Variants in HTR4 observed in about 807,000 individuals in gnomAD.
The protein encoded by HTR4 is 5-hydroxytryptamine receptor 4, also known as 5-hydroxytryptamine (serotonin) receptor 4, G protein-coupled.
HTR4 carries 16 observed loss-of-function variants against 36.8 expected under a neutral mutation model. That is an observed-to-expected ratio of 0.43 (90% CI 0.29 to 0.66). HTR4 has a LOEUF of 0.66. Among genes scored for constraint, HTR4 ranks in the 30% least tolerant of loss-of-function variants. HTR4 has a pLI of 0.13. For synonymous variants in HTR4, 189 were observed against 185.1 expected, an observed-to-expected ratio of 1.02 and a Z score of -0.17; for missense variants, 438 against 490.9, an observed-to-expected ratio of 0.89 and a Z score of 1.02.
chr5:148,573,081 C>T (rs1271114175), intron 2 of HTR4, among the ~76,000 whole-genome samples: 1 of 152,072 alleles, frequency 6.6e-6, no homozygotes, highest in African/African-American at 2.4e-5. Context: ...GCAGCTAATT[C>T]CAATCTCTGA....
downstream of HTR4, among the ~76,000 whole-genome samples, chr5:148,480,158 T>A (rs1219966548): frequency 6.6e-6 from 1 of 152,224 alleles, no homozygotes; most frequent in African/African-American, 2.4e-5. Flanking sequence ...AACAAACATT[T>A]GAATCTTATT....
chr5:148,499,531 T>G (rs911440308), intron 6 of HTR4, among the ~76,000 whole-genome samples: 1 of 152,202 alleles, frequency 6.6e-6, no homozygotes, highest in Non-Finnish European at 1.5e-5. Context: ...TGGTTTCTTT[T>G]TAAATCCTTA....
intron 2 of HTR4, among the ~76,000 whole-genome samples, chr5:148,581,773 T>C (rs1323686327): frequency 6.6e-6 from 1 of 152,130 alleles, no homozygotes; most frequent in Non-Finnish European, 1.5e-5. Context: ...GAAATTTTGG[T>C]AGCTCCAGCT....
At chr5:148,610,575 G>A (rs2127279685) in intron 2 of HTR4, among the ~76,000 whole-genome samples, 1 of 152,036 alleles carries the variant, frequency 6.6e-6, no homozygotes, top group African/African-American at 2.4e-5. Flanking sequence ...CAAAGATGGG[G>A]AAAAAACAGA....
At chr5:148,549,561 C>G (rs1424865355) in intron 3 of HTR4, among the ~76,000 whole-genome samples, 1 of 152,096 alleles carries the variant, frequency 6.6e-6, no homozygotes, top group Non-Finnish European at 1.5e-5. Flanking sequence ...GTTCAGGCAC[C>G]CTGGGGAGTT....
Position 148,542,489 on chromosome 5 carries a change from G to A in HTR4, c.353+6179C>T, listed in dbSNP as rs75053851. Among the ~76,000 whole-genome samples, 27 of 152,224 alleles carry A rather than the reference G, an allele frequency of 1.8e-4. No individual in the cohort carries two copies. In the East Asian group the frequency reaches 5.0e-3, roughly 28 times the overall value. ...AAGTAAACCTGTTTAAAAGAGGATC[G>A]GAGACTAAGAAACTGTTGGAGAATT... On this transcript the variant is annotated intron_variant, in intron 4 of 6. Transcript: ENST00000377888.
At chr5:148,651,677 G>A (rs1386888713) in intron 1 of HTR4, among the ~76,000 whole-genome samples, 2 of 151,804 alleles carry the variant, frequency 1.3e-5, no homozygotes, top group Non-Finnish European at 2.9e-5. Context: ...ACTGCATGCT[G>A]TGAAGTTACC....
intron 4 of HTR4, among the ~76,000 whole-genome samples, chr5:148,546,012 G>A (rs539380338): frequency 6.6e-6 from 1 of 152,200 alleles, no homozygotes; most frequent in Non-Finnish European, 1.5e-5. Context: ...ATGAATGATA[G>A]AGAGAAATAG....
intron 5 of HTR4, among the ~76,000 whole-genome samples, chr5:148,457,874 ATTAAAATATTAAAATATATTATAT>A: frequency 7.2e-6 from 1 of 138,602 alleles, no homozygotes; most frequent in African/African-American, 2.7e-5. Context: ...TTGATATATC[ATTAAAATATTAAAATATATTATAT>A]TTTAATATAT....
At chr5:148,556,469 T>C (rs1759956426) in intron 2 of HTR4, among the ~76,000 whole-genome samples, 1 of 152,220 alleles carries the variant, frequency 6.6e-6, no homozygotes, top group African/African-American at 2.4e-5. Flanking sequence ...TCATCAAATA[T>C]GTATTGAGTG....
At chr5:148,606,030 G>T (rs1340100823) in intron 2 of HTR4, among the ~76,000 whole-genome samples, 1 of 152,088 alleles carries the variant, frequency 6.6e-6, no homozygotes. Flanking sequence ...TAGAAGAGAA[G>T]TTCAACAGAT....
chr5:148,596,054 A>C (rs996228718), intron 2 of HTR4, among the ~76,000 whole-genome samples: 1 of 152,226 alleles, frequency 6.6e-6, no homozygotes, highest in Admixed American at 6.5e-5. Flanking sequence ...TTGTGCTTCT[A>C]TTACCCAGAG....
chr5:148,641,472 G>A (rs192917385), intron 1 of HTR4, among the ~76,000 whole-genome samples: 3 of 152,322 alleles, frequency 2.0e-5, no homozygotes, highest in Admixed American at 1.3e-4. Context: ...AGGGATGGGC[G>A]AGGAGTTAAG....
chr5:148,466,077 T>G, intron 5 of HTR4: 2 of 1,423,518 alleles, frequency 1.4e-6, no homozygotes, highest in South Asian at 2.9e-5. Context: ...TAGAGGAGGA[T>G]AAGGAGGGGA....
intron 5 of HTR4, 66 bp from the exon 6 acceptor site, chr5:148,510,090 AGTGGG>A: frequency 1.9e-6 from 2 of 1,067,484 alleles, no homozygotes; most frequent in Admixed American, 5.2e-5. Context: ...GTGAAAAAGA[AGTGGG>A]AAAAATGGGG....
intron 2 of HTR4, among the ~76,000 whole-genome samples, chr5:148,589,907 T>C (rs191833716): frequency 2.2e-4 from 34 of 152,280 alleles, no homozygotes; most frequent in Admixed American, 1.9e-3. Context: ...CCACTATTAT[T>C]AATCGTAGTC....
intron 4 of HTR4, among the ~76,000 whole-genome samples, chr5:148,532,134 G>A (rs934677692): frequency 6.6e-6 from 1 of 152,174 alleles, no homozygotes; most frequent in African/African-American, 2.4e-5. Flanking sequence ...TCTCTTAAGA[G>A]TGGGGTGCCA....
downstream of HTR4, among the ~76,000 whole-genome samples, chr5:148,480,888 T>C (rs752172832): frequency 3.4e-4 from 52 of 152,232 alleles, no homozygotes; most frequent in Non-Finnish European, 7.3e-4. Context: ...ATATGTGGAA[T>C]GGCATTTTAT....
At chr5:148,559,298 C>G (rs986576822) in intron 2 of HTR4, among the ~76,000 whole-genome samples, 5 of 152,118 alleles carry the variant, frequency 3.3e-5, no homozygotes, top group Admixed American at 3.3e-4. Context: ...TGTCGGGGAC[C>G]ATCTGTAATT....
Sources: gnomAD v4.1 joint callset for allele counts (sites outside exome capture counted in the v4.1 genomes callset) on GRCh38, gnomAD v4.1.1 for gene constraint, MANE v1.5 for transcripts, NCBI Gene and HGNC (gene_info 2026-07-23, HGNC 2026-07-21) for gene names.